The following MAML2 variants were observed in gnomAD, a reference collection of about 807,000 sequenced individuals.
MAML2 encodes the protein mastermind like transcriptional coactivator 2, also known as mastermind-like protein 2.
A neutral mutation model predicts 96.1 loss-of-function variants in MAML2; 22 were observed. That is an observed-to-expected ratio of 0.23 (90% CI 0.16 to 0.33). The LOEUF (loss-of-function observed/expected upper bound fraction) is 0.33, where lower values mean the gene tolerates loss of function less well. MAML2 is among the 10% of genes least tolerant of loss of function. The probability of loss-of-function intolerance (pLI) is 1.00; values close to 1 mark genes in which losing one functional copy is unlikely to be tolerated. For missense variants in MAML2, 1,367 were observed against 1,392.4 expected (o/e 0.98, Z 0.29); for synonymous variants, 561 against 521.3 (o/e 1.08, Z -1.04).
chr11:96,158,140 A>C (rs1000587586), intron 1 of MAML2, among the ~76,000 whole-genome samples: 2 of 152,236 alleles, frequency 1.3e-5, no homozygotes, highest in African/African-American at 4.8e-5. Flanking sequence ...AGAGAGTATA[A>C]TTCTTGCTAA....
At chr11:96,002,916 T>C (rs1310771486) in intron 2 of MAML2, among the ~76,000 whole-genome samples, 1 of 122,442 alleles carries the variant, frequency 8.2e-6, no homozygotes, top group African/African-American at 3.3e-5. Context: ...AGAAAGATGA[T>C]GGGGATAAGG....
chr11:96,307,633 A>G (rs1268946124), intron 1 of MAML2, among the ~76,000 whole-genome samples: 6 of 152,172 alleles, frequency 3.9e-5, no homozygotes, highest in African/African-American at 1.4e-4. Flanking sequence ...TCTCCAAGGG[A>G]ATGATCATTC....
intron 1 of MAML2, among the ~76,000 whole-genome samples, chr11:96,201,386 A>G (rs866900553): frequency 7.2e-5 from 11 of 152,206 alleles, no homozygotes; most frequent in South Asian, 2.1e-4. Context: ...CAATTCCATC[A>G]TAGGCTCTGG....
At chr11:96,248,477 T>C (rs1253892791) in intron 1 of MAML2, among the ~76,000 whole-genome samples, 1 of 152,130 alleles carries the variant, frequency 6.6e-6, no homozygotes, top group African/African-American at 2.4e-5. Context: ...TTACACTTAA[T>C]TGGACAGGGC....
At chr11:96,237,617 T>C (rs1862382295) in intron 1 of MAML2, among the ~76,000 whole-genome samples, 1 of 152,254 alleles carries the variant, frequency 6.6e-6, no homozygotes. Flanking sequence ...ATAGCAGCTT[T>C]CACATTGCTT....
Position 95,979,136 on chromosome 11 carries a change from T to C in MAML2, c.3283A>G (p.Arg1095Gly). Reference sequence around the variant, plus strand: ...CTGTGGTCAGTTCCTTGAAAAGCCCTGGAACTTTGGTTGGGTGAAGGAAAA... The same window carrying C: ...CTGTGGTCAGTTCCTTGAAAAGCCCCGGAACTTTGGTTGGGTGAAGGAAAA... ...SNFPSPNQSS[R>G]AFQGTDHSSD... Residue 1095 changes from arginine (R) to glycine (G), a missense_variant, in exon 5 of 5, where the codon AGG becomes GGG. Coordinates refer to ENST00000524717, the MANE Select transcript of MAML2 (RefSeq NM_032427.4). The C allele has an allele frequency of 1.2e-6, 2 of 1,614,018 alleles. No homozygotes were observed. The highest frequency in any genetic ancestry group is 1.7e-6 in the Non-Finnish European group (2 of 1,179,890).
At chr11:96,164,182 G>A (rs1861157086) in intron 1 of MAML2, among the ~76,000 whole-genome samples, 1 of 151,966 alleles carries the variant, frequency 6.6e-6, no homozygotes, top group Non-Finnish European at 1.5e-5. Flanking sequence ...AGCCAATACT[G>A]CGCTTTCACA....
intron 1 of MAML2, among the ~76,000 whole-genome samples, chr11:96,110,561 A>G (rs1170698261): frequency 6.6e-6 from 1 of 152,226 alleles, no homozygotes; most frequent in African/African-American, 2.4e-5. Context: ...GAACTTCCGT[A>G]TGCATCTGAA....
At chr11:96,104,709 C>T (rs963826119) in intron 1 of MAML2, among the ~76,000 whole-genome samples, 2 of 151,908 alleles carry the variant, frequency 1.3e-5, no homozygotes, top group Admixed American at 1.3e-4. Context: ...CTCAGCCGTG[C>T]ACAGCAACAG....
At chr11:96,029,169 T>G (rs1219029665) in intron 2 of MAML2, among the ~76,000 whole-genome samples, 5 of 151,800 alleles carry the variant, frequency 3.3e-5, no homozygotes, top group Admixed American at 6.6e-5. Flanking sequence ...AAACGGTTTT[T>G]TTTTTTTTTT....
chr11:96,326,377 GTGTGTGTGTGCATGTA>G (rs902649834), intron 1 of MAML2, among the ~76,000 whole-genome samples: 1 of 150,956 alleles, frequency 6.6e-6, no homozygotes, highest in Non-Finnish European at 1.5e-5. Flanking sequence ...GTGTGTGTGT[GTGTGTGTGTGCATGTA>G]TGTGTGTGTG....
chr11:96,297,401 C>G (rs1863317876), intron 1 of MAML2, among the ~76,000 whole-genome samples: 1 of 151,764 alleles, frequency 6.6e-6, no homozygotes, highest in African/African-American at 2.4e-5. Flanking sequence ...ATGGTGAAAC[C>G]CCGTCTCTAC....
chr11:96,275,602 A>G (rs1862978876), intron 1 of MAML2, among the ~76,000 whole-genome samples: 2 of 152,138 alleles, frequency 1.3e-5, no homozygotes, highest in African/African-American at 4.8e-5. Flanking sequence ...AACTCAGACC[A>G]TGTGACAACT....
chr11:96,141,654 C>T (rs1050434561), intron 1 of MAML2, among the ~76,000 whole-genome samples: 8 of 152,190 alleles, frequency 5.3e-5, no homozygotes, highest in African/African-American at 1.7e-4. Flanking sequence ...CTCCTCCCTC[C>T]GATTGCCTTC....
At chr11:96,283,771 C>T (rs746603470) in intron 1 of MAML2, among the ~76,000 whole-genome samples, 24 of 152,178 alleles carry the variant, frequency 1.6e-4, no homozygotes, top group African/African-American at 3.9e-4. Flanking sequence ...TTTACATTTT[C>T]GACCTCTTCC....
chr11:96,047,910 C>CAAAA (rs71459784), intron 2 of MAML2, among the ~76,000 whole-genome samples: 8 of 82,470 alleles, frequency 9.7e-5, no homozygotes, highest in African/African-American at 3.1e-4. Context: ...GACTCTGCCT[C>CAAAA]AAAAAAAAAA....
chr11:96,106,526 A>G (rs1389793309), intron 1 of MAML2, among the ~76,000 whole-genome samples: 1 of 152,232 alleles, frequency 6.6e-6, no homozygotes, highest in Non-Finnish European at 1.5e-5. Context: ...AGAAGGAAAT[A>G]TCCACCCATT....
chr11:95,986,041 T>C (rs78047851), intron 3 of MAML2, among the ~76,000 whole-genome samples: 1 of 152,318 alleles, frequency 6.6e-6, no homozygotes, highest in Non-Finnish European at 1.5e-5. Context: ...TCTTGTTAAA[T>C]GAGTGATAGC....
chr11:96,321,345 C>T (rs930968048), intron 1 of MAML2, among the ~76,000 whole-genome samples: 31 of 152,186 alleles, frequency 2.0e-4, no homozygotes, highest in African/African-American at 7.5e-4. Context: ...CAAGCCTCTC[C>T]TTTTTAACAC....
Sources: gnomAD v4.1 joint callset for allele counts (sites outside exome capture counted in the v4.1 genomes callset) on GRCh38, gnomAD v4.1.1 for gene constraint, MANE v1.5 for transcripts, NCBI Gene and HGNC (gene_info 2026-07-23, HGNC 2026-07-21) for gene names.